NRG3: variants seen among roughly 807,000 people sequenced by gnomAD.
NRG3 encodes the protein pro-neuregulin-3, membrane-bound isoform.
In NRG3, 31 loss-of-function variants were observed where a neutral mutation model predicts 66.9. The observed-to-expected ratio is 0.46, with a 90% CI of 0.35 to 0.63. NRG3 has a LOEUF of 0.63. Among genes scored for constraint, NRG3 ranks in the 20% least tolerant of loss-of-function variants. The pLI, the probability that NRG3 is intolerant of heterozygous loss-of-function variation, is 0.00. For synonymous variants in NRG3, 393 were observed against 359.4 expected, an observed-to-expected ratio of 1.09 and a Z score of -1.06; for missense variants, 910 against 878.9, an observed-to-expected ratio of 1.04 and a Z score of -0.45.
At chr10:82,714,745 T>C (rs1288387901) in intron 2 of NRG3, among the ~76,000 whole-genome samples, 1 of 152,198 alleles carries the variant, frequency 6.6e-6, no homozygotes, top group Non-Finnish European at 1.5e-5. Context: ...TAATTAGCAA[T>C]GTATATAGTT....
intron 1 of NRG3, among the ~76,000 whole-genome samples, chr10:82,218,746 A>T (rs1287584234): frequency 1.3e-5 from 2 of 151,996 alleles, no homozygotes; most frequent in Non-Finnish European, 2.9e-5. Context: ...TAGCTTAATT[A>T]CCACCTCCCA....
rs563415976 is a variant in NRG3 at position 82,481,038 on chromosome 10, C to T, written c.953+122170C>T. On this transcript the variant is annotated intron_variant, in intron 2 of 8. Transcript: ENST00000372141. ...CTTCCTCTTTTCCCACTGGGATTTACTGTAAACCCTTTTCTCCTCCACCAT... is the reference window on the plus strand; with the variant it reads ...CTTCCTCTTTTCCCACTGGGATTTATTGTAAACCCTTTTCTCCTCCACCAT... 2.6e-5 allele frequency among the ~76,000 whole-genome samples: 4 copies of T among 152,290 alleles called. No homozygotes were observed. In the South Asian group the frequency reaches 8.3e-4, roughly 32 times the overall value.
intron 2 of NRG3, among the ~76,000 whole-genome samples, chr10:82,421,092 A>T (rs542273822): frequency 3.9e-5 from 6 of 152,084 alleles, no homozygotes; most frequent in African/African-American, 1.4e-4. Flanking sequence ...ATGGGCTAAA[A>T]CTCATACAAC....
intron 2 of NRG3, among the ~76,000 whole-genome samples, chr10:82,547,459 GTATGTATA>G (rs2043995897): frequency 6.7e-6 from 1 of 149,434 alleles, no homozygotes; most frequent in Admixed American, 6.7e-5. Flanking sequence ...GTGTATATAT[GTATGTATA>G]TATGTATATA....
chr10:82,119,088 A>G (rs191141686), intron 1 of NRG3, among the ~76,000 whole-genome samples: 253 of 152,342 alleles, frequency 1.7e-3, no homozygotes, highest in Non-Finnish European at 3.0e-3. Flanking sequence ...TTATGAATGC[A>G]ATGTGCAATA....
intron 2 of NRG3, among the ~76,000 whole-genome samples, chr10:82,408,081 G>GAGAC (rs1265627470): frequency 3.0e-5 from 2 of 67,030 alleles, no homozygotes; most frequent in Non-Finnish European, 5.7e-5. Context: ...GAGAGAGAGA[G>GAGAC]AGACAGAAAG....
At chr10:81,954,678 G>T (rs1365477339) in intron 1 of NRG3, among the ~76,000 whole-genome samples, 8 of 152,122 alleles carry the variant, frequency 5.3e-5, no homozygotes, top group Non-Finnish European at 8.8e-5. Flanking sequence ...TTCACAAAAG[G>T]AGGGGTGGGT....
At chr10:82,393,349 C>T (rs569984184) in intron 2 of NRG3, among the ~76,000 whole-genome samples, 17 of 152,200 alleles carry the variant, frequency 1.1e-4, no homozygotes, top group Non-Finnish European at 2.2e-4. Context: ...CAGGTGCATC[C>T]GTAATTTGCA....
intron 1 of NRG3, among the ~76,000 whole-genome samples, chr10:81,986,884 A>G (rs2060540968): frequency 6.6e-6 from 1 of 151,922 alleles, no homozygotes. Flanking sequence ...TACTCATTAC[A>G]TTTCCCAGGC....
chr10:82,547,149 C>T (rs2043971726), intron 2 of NRG3, among the ~76,000 whole-genome samples: 1 of 151,918 alleles, frequency 6.6e-6, no homozygotes, highest in Admixed American at 6.6e-5. Flanking sequence ...AACAATTAAA[C>T]CTAAGTTTTA....
At chr10:82,423,072 A>G (rs1215658988) in intron 2 of NRG3, among the ~76,000 whole-genome samples, 2 of 151,970 alleles carry the variant, frequency 1.3e-5, no homozygotes, top group Non-Finnish European at 1.5e-5. Flanking sequence ...GTGCACATCA[A>G]TAGAATTTTG....
intron 3 of NRG3, among the ~76,000 whole-genome samples, chr10:82,836,211 G>A (rs2062766701): frequency 6.6e-6 from 1 of 152,028 alleles, no homozygotes; most frequent in Admixed American, 6.6e-5. Flanking sequence ...AGTTGCAATA[G>A]CAACCTTCTG....
intron 1 of NRG3, among the ~76,000 whole-genome samples, chr10:82,316,529 T>A (rs1334207157): frequency 6.6e-6 from 1 of 152,084 alleles, no homozygotes. Flanking sequence ...TTTTTCCCCC[T>A]CCTGGTAAAA....
chr10:82,280,850 G>A (rs1425578405), intron 1 of NRG3, among the ~76,000 whole-genome samples: 1 of 152,204 alleles, frequency 6.6e-6, no homozygotes, highest in Non-Finnish European at 1.5e-5. Context: ...TGAAGCTTTA[G>A]TAACTCTCCA....
chr10:82,399,692 G>T (rs964098238), intron 2 of NRG3, among the ~76,000 whole-genome samples: 1 of 152,084 alleles, frequency 6.6e-6, no homozygotes, highest in Non-Finnish European at 1.5e-5. Context: ...CAAAAGCTTC[G>T]CCTCTTAGTA....
chr10:82,720,254 G>A (rs2057216448), intron 2 of NRG3, among the ~76,000 whole-genome samples: 1 of 152,088 alleles, frequency 6.6e-6, no homozygotes, highest in South Asian at 2.1e-4. Context: ...GTTGGGTGTG[G>A]TGGCGCATTC....
At chr10:82,039,264 A>G (rs2062924716) in intron 1 of NRG3, among the ~76,000 whole-genome samples, 2 of 152,136 alleles carry the variant, frequency 1.3e-5, no homozygotes, top group African/African-American at 4.8e-5. Context: ...TCCAACTTCC[A>G]TTAGAAAATA....
intron 1 of NRG3, among the ~76,000 whole-genome samples, chr10:82,192,851 A>G (rs543821708): frequency 2.6e-5 from 4 of 152,154 alleles, no homozygotes; most frequent in Non-Finnish European, 5.9e-5. Flanking sequence ...AAAAGTTATT[A>G]TGACGTCATA....
chr10:82,267,125 A>G (rs965602943), intron 1 of NRG3, among the ~76,000 whole-genome samples: 3 of 152,130 alleles, frequency 2.0e-5, no homozygotes, highest in Non-Finnish European at 2.9e-5. Flanking sequence ...TAGGGCTCAG[A>G]TTCTGTCCAA....
Sources: gnomAD v4.1 joint callset for allele counts (sites outside exome capture counted in the v4.1 genomes callset) on GRCh38, gnomAD v4.1.1 for gene constraint, MANE v1.5 for transcripts, NCBI Gene and HGNC (gene_info 2026-07-23, HGNC 2026-07-21) for gene names.